The following KDM4A variants were observed in gnomAD, a reference collection of about 807,000 sequenced individuals.
KDM4A encodes the protein lysine-specific demethylase 4A.
In KDM4A, 23 loss-of-function variants were observed where a neutral mutation model predicts 127.1. The observed-to-expected ratio is 0.18, with a 90% confidence interval of 0.13 to 0.26. The LOEUF (loss-of-function observed/expected upper bound fraction) is 0.26, where lower values mean the gene tolerates loss of function less well. KDM4A is among the 10% of genes least tolerant of loss of function. The pLI is 1.00. For missense variants in KDM4A, 890 were observed against 1,329.1 expected (o/e 0.67, Z 5.14); for synonymous variants, 443 against 466.5 (o/e 0.95, Z 0.65).
intron 3 of KDM4A, among the ~76,000 whole-genome samples, chr1:43,657,235 G>A (rs1557902889): frequency 6.6e-6 from 1 of 150,596 alleles, no homozygotes; most frequent in Admixed American, 6.6e-5. Flanking sequence ...ACAGAATCTC[G>A]CTCTGTCGCC....
At chr1:43,665,222 C>A (rs2154046985) in intron 5 of KDM4A, among the ~76,000 whole-genome samples, 1 of 152,230 alleles carries the variant, frequency 6.6e-6, no homozygotes, top group East Asian at 1.9e-4. Flanking sequence ...GGTTCATCAG[C>A]AGATACGGGG....
At chr1:43,697,108 G>A (rs570339149) in intron 18 of KDM4A, among the ~76,000 whole-genome samples, 5 of 152,366 alleles carry the variant, frequency 3.3e-5, no homozygotes, top group Non-Finnish European at 7.3e-5. Context: ...AGTAACTGGG[G>A]AATGGCATCT....
rs994500438 is a variant in KDM4A, at chr1:43,704,275, G to C, written c.3100G>C (p.Glu1034Gln). 5 of 1,614,156 alleles carry C rather than the reference G, an allele frequency of 3.1e-6. No individual in the cohort carries two copies. The highest frequency in any genetic ancestry group is 3.3e-4 in the Middle Eastern group (2 of 6,062). The change falls in exon 22 of 22, where the codon GAG (glutamate) becomes CAG (glutamine). Residue 1034 changes from glutamate (E) to glutamine (Q), a missense_variant. By Grantham distance (29) the Glu-to-Gln change is conservative. Coordinates refer to ENST00000372396, the MANE Select transcript of KDM4A (RefSeq NM_014663.3). ...MRFNEIFTEK[E>Q]VKQEKKRQRV... ...CTTCAATGAGATTTTCACAGAGAAA[G>C]AGGTTAAGCAAGAAAAGAAACGGCA...
In KDM4A at chr1:43,694,000, C is replaced by A; in HGVS notation, c.2382C>A (p.Val794=). ...ALQRANDDRW[V]HVSCAVAILE... is the part of the protein sequence containing the mutation. ...AGCCTTTGCCTTTTGGCAGGTGGGT[C>A]CACGTTTCATGTGCTGTGGCAATTC... Residue 794 remains valine (V), a synonymous_variant, in exon 17 of 22, where the codon GTC becomes GTA. Transcript: ENST00000372396. This position sits in a 1 kb window ranked among gnomAD's most constrained non-coding sequence, Gnocchi z 4.2. 1 of 1,614,124 alleles carries A rather than the reference C, an allele frequency of 6.2e-7. No homozygotes were observed. Among genetic ancestry groups the A allele is most frequent in the Non-Finnish European group, 8.5e-7 (1 of 1,179,994 alleles).
intron 19 of KDM4A, among the ~76,000 whole-genome samples, chr1:43,701,089 A>G (rs937856420): frequency 1.1e-4 from 17 of 151,680 alleles, no homozygotes; most frequent in Admixed American, 5.2e-4. Flanking sequence ...CGCCCAACTA[A>G]TTTTTGTATT....
intron 11 of KDM4A, among the ~76,000 whole-genome samples, chr1:43,679,438 G>A (rs1233042095): frequency 6.6e-6 from 1 of 152,176 alleles, no homozygotes; most frequent in Non-Finnish European, 1.5e-5. Flanking sequence ...GAGCAACTTT[G>A]TCCATCCCTG....
At chr1:43,697,767 C>G in intron 18 of KDM4A, 76 bp from the exon 19 acceptor site, 2 of 1,324,196 alleles carry the variant, frequency 1.5e-6, no homozygotes, top group East Asian at 2.3e-5. Context: ...TAAGGAGGAA[C>G]TAATTGATCT....
chr1:43,656,932 C>A (rs1570811697), intron 3 of KDM4A, among the ~76,000 whole-genome samples: 1 of 151,606 alleles, frequency 6.6e-6, no homozygotes, highest in East Asian at 2.0e-4. Context: ...GTTTCACCGT[C>A]TCTACTGTCA....
chr1:43,656,398 A>AGTGAT (rs1660241026), intron 3 of KDM4A, among the ~76,000 whole-genome samples: 2 of 113,352 alleles, frequency 1.8e-5, no homozygotes, highest in Non-Finnish European at 3.3e-5. Flanking sequence ...AGTGCAGTGG[A>AGTGAT]GTGATCTTGG....
At chr1:43,672,508 T>C (rs1207671589) in intron 11 of KDM4A, among the ~76,000 whole-genome samples, 1 of 148,238 alleles carries the variant, frequency 6.7e-6, no homozygotes, top group Non-Finnish European at 1.5e-5. Context: ...TTTCTTTTTT[T>C]TTTTGAGACG....
At position 43,694,906 on chromosome 1, in the gene KDM4A, T is replaced by C; in HGVS notation, c.2670+12T>C. 1 of 1,587,616 alleles carries C rather than the reference T, an allele frequency of 6.3e-7. No individual in the cohort carries two copies. Among genetic ancestry groups the C allele is most frequent in the Non-Finnish European group, 8.6e-7 (1 of 1,158,794 alleles). On this transcript the variant is annotated intron_variant, in intron 18 of 21. Coordinates refer to ENST00000372396, the MANE Select transcript of KDM4A (RefSeq NM_014663.3). This position sits in a 1 kb window ranked among gnomAD's most constrained non-coding sequence, Gnocchi z 5.2. ...TTCCTAATTTGGAGGTGAGAGAGGG[T>C]GTCATTCTAGAATCCTCTTGACAGT... is the stretch of plus-strand genomic sequence containing the variant.
At chr1:43,667,306 T>C (rs1467959995) in intron 8 of KDM4A, among the ~76,000 whole-genome samples, 3 of 152,234 alleles carry the variant, frequency 2.0e-5, no homozygotes, top group African/African-American at 7.2e-5. Context: ...TTAAGTCCAT[T>C]AGGCATTAAA....
intron 3 of KDM4A, among the ~76,000 whole-genome samples, chr1:43,657,830 A>G (rs1189829652): frequency 1.4e-5 from 2 of 141,550 alleles, no homozygotes; most frequent in Non-Finnish European, 3.0e-5. Flanking sequence ...GGCTCATTGC[A>G]GCCTCCGCCT....
intron 15 of KDM4A, 84 bp from the exon 16 acceptor site, chr1:43,692,172 G>T: frequency 8.3e-7 from 1 of 1,208,260 alleles, no homozygotes; most frequent in Non-Finnish European, 1.2e-6. Context: ...TGGAGGAGTT[G>T]CCCAAAGCAG....
intron 7 of KDM4A, 85 bp downstream of exon 7, chr1:43,666,640 C>T: frequency 9.1e-7 from 1 of 1,095,172 alleles, no homozygotes; most frequent in Middle Eastern, 2.0e-4. Flanking sequence ...CATCACTATA[C>T]CAAGAGGGGG....
At chr1:43,681,619 G>A (rs1028959984) in intron 11 of KDM4A, among the ~76,000 whole-genome samples, 3 of 152,100 alleles carry the variant, frequency 2.0e-5, no homozygotes, top group African/African-American at 4.8e-5. Context: ...AATCCCCACC[G>A]TTTCTGGCTT....
Position 43,674,815 on chromosome 1 carries a change from T to C in KDM4A, c.1734+2940T>C, listed in dbSNP as rs543948904. Among the ~76,000 whole-genome samples, 122 of 152,212 alleles carry C rather than the reference T, an allele frequency of 8.0e-4. 2 individuals are homozygous for C. The South Asian group carries it at 0.024, about 30-fold the overall frequency. On this transcript the variant is annotated intron_variant, in intron 11 of 21. Coordinates refer to ENST00000372396, the MANE Select transcript of KDM4A (RefSeq NM_014663.3). ...TGAGCCATCGCGCCTGGCCTACTCA[T>C]TTACTCTTGATGTCTCCAGGCCCCT...
At chr1:43,703,115 T>G (rs991588051) in intron 19 of KDM4A, among the ~76,000 whole-genome samples, 1 of 151,926 alleles carries the variant, frequency 6.6e-6, no homozygotes, top group African/African-American at 2.4e-5. Context: ...GCTAATTTTT[T>G]GCATTTTTAG....
intron 11 of KDM4A, among the ~76,000 whole-genome samples, chr1:43,682,795 T>A (rs1660887563): frequency 6.6e-6 from 1 of 152,180 alleles, no homozygotes; most frequent in African/African-American, 2.4e-5. Context: ...AGGCCCAGGG[T>A]GTGTTCTCTG....
Sources: gnomAD v4.1 joint callset for allele counts (sites outside exome capture counted in the v4.1 genomes callset) on GRCh38, gnomAD v4.1.1 for gene constraint, Gnocchi (gnomAD v3.1) non-coding constraint, MANE v1.5 for transcripts, NCBI Gene and HGNC (gene_info 2026-07-23, HGNC 2026-07-21) for gene names.